Variants in NBEA observed in about 807,000 individuals in gnomAD.
NBEA encodes neurobeachin, also known as lysosomal-trafficking regulator 2.
A neutral mutation model predicts 343.4 loss-of-function variants in NBEA; 44 were observed. That is an observed-to-expected ratio of 0.13 (90% CI 0.10 to 0.16). The LOEUF is 0.16. NBEA is among the 10% of genes least tolerant of loss of function. NBEA has a pLI of 1.00. For missense variants in NBEA, 2,555 were observed against 3,631.3 expected (o/e 0.70, Z 7.62); for synonymous variants, 1,175 against 1,238.7 (o/e 0.95, Z 1.08).
chr13:35,364,311 A>G (rs900585915), intron 38 of NBEA, among the ~76,000 whole-genome samples: 1 of 151,896 alleles, frequency 6.6e-6, no homozygotes, highest in Non-Finnish European at 1.5e-5. Context: ...TCTTCTTCCA[A>G]GCACTGAAAA....
rs183029564 is a variant in NBEA, at chr13:35,107,283, C to G, written c.1681-2007C>G. Among the ~76,000 whole-genome samples the G allele has an allele frequency of 1.3e-4, 20 of 151,872 alleles. No individual in the cohort carries two copies. The East Asian group carries it at 1.7e-3, about 13-fold the overall frequency. The stretch of plus-strand genomic sequence containing the variant: ...TCAAATACTTGTTTTGGTTCCCCCC[C>G]CTTTATTAACTCAGCTATTTATTTA... On this transcript the variant is annotated intron_variant, in intron 11 of 58. Coordinates refer to ENST00000379939, the MANE Select transcript of NBEA (RefSeq NM_001385012.1).
chr13:35,276,657 A>G (rs73169715), intron 34 of NBEA, among the ~76,000 whole-genome samples: 6,975 of 152,272 alleles, frequency 0.046, 202 homozygotes, highest in South Asian at 0.079. Flanking sequence ...CAACTTGGGA[A>G]AAAACTAAAT....
At position 35,196,126 on chromosome 13, in the gene NBEA, A is replaced by G. The variant is rs1258989523; in HGVS notation, c.5190A>G (p.Thr1730=). The change falls in exon 31 of 59, where the codon ACA becomes ACG. Residue 1730 remains threonine, a synonymous_variant. Coordinates refer to ENST00000379939, the MANE Select transcript of NBEA (RefSeq NM_001385012.1). ...CTAGTGAAACGTTGAAGCCTGCAAC[A>G]TCCATATCTAGCATTAGTCAAACCA... is the stretch of plus-strand genomic sequence containing the variant. ...ENPSETLKPA[T]SISSISQTKG... is the part of the protein sequence containing the mutation. 1.2e-6 allele frequency: 2 copies of G among 1,613,724 alleles called. No individual in the cohort carries two copies. Among genetic ancestry groups the G allele is most frequent in the South Asian group, 1.1e-5 (1 of 91,084 alleles).
intron 45 of NBEA, among the ~76,000 whole-genome samples, chr13:35,573,488 T>G (rs1435668595): frequency 1.3e-5 from 2 of 152,168 alleles, no homozygotes; most frequent in East Asian, 1.9e-4. Context: ...GTTTTTGTGT[T>G]TGTTTGTTTA....
chr13:34,986,786 G>A (rs1366344888), intron 1 of NBEA, among the ~76,000 whole-genome samples: 2 of 149,494 alleles, frequency 1.3e-5, no homozygotes, highest in Non-Finnish European at 3.0e-5. Flanking sequence ...TTATCATTAT[G>A]TAATGGCCAT....
intron 1 of NBEA, among the ~76,000 whole-genome samples, chr13:34,944,204 A>G (rs1429995704): frequency 2.0e-5 from 3 of 152,146 alleles, no homozygotes; most frequent in Admixed American, 6.6e-5. Context: ...TGAGTATTGT[A>G]TTTGGTGTGG....
At chr13:35,322,305 C>T (rs1053408289) in intron 36 of NBEA, among the ~76,000 whole-genome samples, 2 of 152,160 alleles carry the variant, frequency 1.3e-5, no homozygotes, top group African/African-American at 2.4e-5. Context: ...CGGAGTCCAC[C>T]GTTCCCCATG....
At chr13:35,372,762 C>T (rs1277113229) in intron 38 of NBEA, among the ~76,000 whole-genome samples, 1 of 152,052 alleles carries the variant, frequency 6.6e-6, no homozygotes, top group Non-Finnish European at 1.5e-5. Flanking sequence ...CTACCAGTGG[C>T]TTGTGCTTCA....
chr13:35,074,814 G>T (rs1228926900), intron 10 of NBEA, among the ~76,000 whole-genome samples: 1 of 151,968 alleles, frequency 6.6e-6, no homozygotes, highest in Non-Finnish European at 1.5e-5. Flanking sequence ...CCTATTTTTT[G>T]GGGGGAGGGA....
intron 1 of NBEA, among the ~76,000 whole-genome samples, chr13:34,948,141 C>T (rs1469380191): frequency 6.6e-6 from 1 of 152,208 alleles, no homozygotes; most frequent in Non-Finnish European, 1.5e-5. Context: ...TTTTGTGTGT[C>T]TGGCGTACAT....
intron 36 of NBEA, among the ~76,000 whole-genome samples, chr13:35,332,738 A>T (rs2246851): frequency 2.4e-4 from 36 of 152,006 alleles, no homozygotes; most frequent in Non-Finnish European, 4.3e-4. Context: ...AAAAGATTAA[A>T]ATTTAAACAA....
At chr13:34,977,173 C>T (rs2060208031) in intron 1 of NBEA, among the ~76,000 whole-genome samples, 1 of 152,128 alleles carries the variant, frequency 6.6e-6, no homozygotes, top group Non-Finnish European at 1.5e-5. Context: ...CTCCTAACCT[C>T]AGGTGATCCG....
At chr13:35,656,848 C>T (rs2084834467) in intron 55 of NBEA, among the ~76,000 whole-genome samples, 1 of 152,160 alleles carries the variant, frequency 6.6e-6, no homozygotes, top group African/African-American at 2.4e-5. Context: ...TATAACCCAA[C>T]AGAGATAAAA....
At chr13:35,233,861 A>G (rs967037009) in intron 34 of NBEA, among the ~76,000 whole-genome samples, 4 of 152,194 alleles carry the variant, frequency 2.6e-5, no homozygotes, top group Non-Finnish European at 5.9e-5. Context: ...TTGGGATTAC[A>G]GAATGACAAG....
Position 34,942,952 on chromosome 13 carries a change from G to A in NBEA, c.132G>A (p.Glu44=). 6.3e-7 allele frequency: 1 copy of A among 1,594,846 alleles called. No individual in the cohort carries two copies. The highest frequency in any genetic ancestry group is 8.5e-7 in the Non-Finnish European group (1 of 1,171,320). The change falls in exon 1 of 59, where the codon GAG becomes GAA. Residue 44 remains glutamate (E), a synonymous_variant. Coordinates refer to ENST00000379939, the MANE Select transcript of NBEA (RefSeq NM_001385012.1). The part of the protein sequence containing the change: ...GGGTGGSGMG[E]LRGASGSGSV... ...GCACCGGGGGCAGCGGGATGGGGGA[G>A]CTAAGGGGGGCGTCCGGCTCCGGCT...
At chr13:35,565,236 C>T (rs904534649) in intron 44 of NBEA, among the ~76,000 whole-genome samples, 1 of 152,120 alleles carries the variant, frequency 6.6e-6, no homozygotes, top group Non-Finnish European at 1.5e-5. Flanking sequence ...ACATTTAAAG[C>T]AATATGCAGT....
At chr13:34,987,969 T>C (rs2060616409) in intron 1 of NBEA, among the ~76,000 whole-genome samples, 1 of 150,978 alleles carries the variant, frequency 6.6e-6, no homozygotes, top group Non-Finnish European at 1.5e-5. Flanking sequence ...ATGTTTGTTA[T>C]TACTGACCTT....
chr13:35,041,082 T>A lies in NBEA; in HGVS notation c.444T>A (p.Val148=). The change falls in exon 2 of 59, where the codon GTT becomes GTA. Residue 148 remains valine (V), a synonymous_variant. Coordinates refer to ENST00000379939, the MANE Select transcript of NBEA (RefSeq NM_001385012.1). ...SMFTAILRKS[V]RNLQTSTEVG... is the part of the protein sequence containing the mutation. The stretch of plus-strand genomic sequence containing the variant: ...TTACAGCCATTCTACGAAAAAGTGT[T>A]CGGAATTTACAGACTAGCACAGAAG... 6.2e-7 allele frequency: 1 copy of A among 1,613,226 alleles called. No individual in the cohort carries two copies. Among genetic ancestry groups the A allele is most frequent in the Non-Finnish European group, 8.5e-7 (1 of 1,179,470 alleles).
At chr13:35,200,482 A>G (rs1264356447) in intron 31 of NBEA, among the ~76,000 whole-genome samples, 2 of 149,312 alleles carry the variant, frequency 1.3e-5, no homozygotes, top group Non-Finnish European at 3.0e-5. Context: ...AATAGAGGGC[A>G]ATGTGCTTCT....
Sources: allele counts gnomAD v4.1 joint callset (sites outside exome capture counted in the v4.1 genomes callset), GRCh38; gene constraint gnomAD v4.1.1; transcripts MANE v1.5; gene names NCBI Gene and HGNC (gene_info 2026-07-23, HGNC 2026-07-21).